The following DCP1A variants were observed in gnomAD, a reference collection of about 807,000 sequenced individuals.
DCP1A encodes decapping mRNA 1A.
In DCP1A, 20 loss-of-function variants were observed where a neutral mutation model predicts 58.0. The ratio of observed to expected loss-of-function variants is 0.34; its 90% CI spans 0.24 to 0.50. DCP1A has a LOEUF of 0.50. DCP1A is among the 20% of genes least tolerant of loss of function. The pLI is 0.98. For missense variants in DCP1A, 613 were observed against 712.2 expected (o/e 0.86, Z 1.59); for synonymous variants, 285 against 275.1 (o/e 1.04, Z -0.36).
rs782329052 is a variant in DCP1A, at chr3:53,347,502, G to T, written c.16C>A (p.Arg6=). MEALS[R]AGQEMSLAAL... ...GCTAGGCTCATCTCCTGCCCAGCTCGACTCAGCGCCTCCATCTTGAATCCC... is the reference window on the plus strand; with the variant it reads ...GCTAGGCTCATCTCCTGCCCAGCTCTACTCAGCGCCTCCATCTTGAATCCC... Residue 6 remains arginine, a synonymous_variant, in exon 1 of 10, where the codon CGA becomes AGA. Coordinates refer to ENST00000610213, the MANE Select transcript of DCP1A (RefSeq NM_018403.7). 2.5e-6 allele frequency: 4 copies of T among 1,612,118 alleles called. No individual in the cohort carries two copies. The highest frequency in any genetic ancestry group is 1.7e-5 in the Admixed American group (1 of 59,788).
Position 53,290,856 on chromosome 3 carries a change from A to T in DCP1A, c.1384T>A (p.Ser462Thr). ...TCAGGATCCTGGTTCTGCTGCATAG[A>T]CTGAAATGTTTATGAAGAAAAGACA... is the stretch of plus-strand genomic sequence containing the variant. ...LSNMVLAPLQSMQQNQDPEVF... is the reference protein window; with the variant it reads ...LSNMVLAPLQTMQQNQDPEVF... The change falls in exon 8 of 10, where the codon TCT (serine) becomes ACT (threonine). Residue 462 changes from serine to threonine, a missense_variant and splice_region_variant. By Grantham distance (58) the Ser-to-Thr change is moderately conservative (BLOSUM62 1). This residue lies in a region of DCP1A where 498 missense variants were observed against 556.7 expected (regional missense o/e 0.89). Coordinates refer to ENST00000610213, the MANE Select transcript of DCP1A (RefSeq NM_018403.7). 6.2e-7 allele frequency: 1 copy of T among 1,610,618 alleles called. No homozygotes were observed. The highest frequency in any genetic ancestry group is 1.1e-5 in the South Asian group (1 of 90,432).
rs1474802186 is a variant in DCP1A at position 53,285,043 on chromosome 3, C to T, written c.*2537G>A. The T allele has an allele frequency of 6.6e-6, 1 of 152,148 alleles. No individual in the cohort carries two copies. The highest frequency in any genetic ancestry group is 1.5e-5 in the Non-Finnish European group (1 of 68,066). 9.4% of individuals were successfully genotyped at this position (152,148 alleles called of 1,614,324 possible). Reference sequence around the variant, plus strand: ...ACAACAAAAAGAAGAGCAGCACCACCCACCAGTGGTGCCCCAGACACACCT... The same window carrying T: ...ACAACAAAAAGAAGAGCAGCACCACTCACCAGTGGTGCCCCAGACACACCT... On this transcript the variant is annotated 3_prime_UTR_variant, in exon 10 of 10. Transcript: ENST00000610213.
intron 8 of DCP1A, among the ~76,000 whole-genome samples, chr3:53,288,954 G>A (rs1359776449): frequency 6.6e-6 from 1 of 152,008 alleles, no homozygotes; most frequent in African/African-American, 2.4e-5. Flanking sequence ...GGTGGAGGTT[G>A]CAGTGAGCCG....
At position 53,314,775 on chromosome 3, in the gene DCP1A, G is replaced by A. The variant is rs11706607; in HGVS notation, c.372-2396C>T. On this transcript the variant is annotated intron_variant, in intron 4 of 9. Transcript: ENST00000610213. ...CAACCTTCGACTCCCGGGTTCAAGC[G>A]ATTCTCGTGCCTCAGCCTCCCTAGT... Among the ~76,000 whole-genome samples the A allele has an allele frequency of 2.7e-5, 4 of 146,512 alleles. No individual in the cohort carries two copies. The South Asian group carries it at 6.5e-4, about 24-fold the overall frequency.
Position 53,342,284 on chromosome 3 carries a change from AG to A in DCP1A, c.177-14del, listed in dbSNP as rs782446098. The A allele has an allele frequency of 6.4e-7, 1 of 1,564,284 alleles. No individual in the cohort carries two copies. Among genetic ancestry groups the A allele is most frequent in the Non-Finnish European group, 8.7e-7 (1 of 1,147,148 alleles). ...AGGGGAAGCTGACCTTAGATTTAATAGAAGAAAAAAAAATATGTAGTTACCA... is the reference window on the plus strand; with the variant it reads ...AGGGGAAGCTGACCTTAGATTTAATAAAGAAAAAAAAATATGTAGTTACCA... On this transcript the variant is annotated splice_polypyrimidine_tract_variant and intron_variant, in intron 2 of 9. Coordinates refer to ENST00000610213, the MANE Select transcript of DCP1A (RefSeq NM_018403.7).
chr3:53,306,135 AGTAGGTACTCAAATAT>A (rs1487204667), intron 5 of DCP1A, among the ~76,000 whole-genome samples: 2 of 152,216 alleles, frequency 1.3e-5, no homozygotes, highest in Admixed American at 1.3e-4. Flanking sequence ...TTATCACAGG[AGTAGGTACTCAAATAT>A]TAAATGGATG....
chr3:53,310,154 T>C (rs1707601019), intron 5 of DCP1A, among the ~76,000 whole-genome samples: 1 of 152,252 alleles, frequency 6.6e-6, no homozygotes, highest in Admixed American at 6.5e-5. Context: ...TATCAAAGAT[T>C]TAACCAAATC....
chr3:53,337,877 G>A (rs1382304885), intron 3 of DCP1A, among the ~76,000 whole-genome samples: 2 of 152,200 alleles, frequency 1.3e-5, no homozygotes, highest in Admixed American at 6.5e-5. Context: ...CTAAAAAGAA[G>A]TGTTCTTCAT....
intron 3 of DCP1A, among the ~76,000 whole-genome samples, chr3:53,327,614 A>G (rs782082221): frequency 7.9e-5 from 12 of 151,172 alleles, no homozygotes; most frequent in Non-Finnish European, 1.5e-4. Flanking sequence ...ACATAGTAAA[A>G]CCCCATCTCT....
At chr3:53,296,146 C>CG (rs1707119323) in intron 6 of DCP1A, among the ~76,000 whole-genome samples, 1 of 152,150 alleles carries the variant, frequency 6.6e-6, no homozygotes, top group Non-Finnish European at 1.5e-5. Flanking sequence ...CTGCGTGCCG[C>CG]GGCCTCCCAA....
chr3:53,297,986 G>A (rs1209208680), intron 6 of DCP1A, among the ~76,000 whole-genome samples: 2 of 152,184 alleles, frequency 1.3e-5, no homozygotes, highest in African/African-American at 4.8e-5. Context: ...GGCAGGCCTA[G>A]GCGGAAGCAT....
chr3:53,326,047 T>C (rs185384830), intron 3 of DCP1A, among the ~76,000 whole-genome samples: 9 of 152,270 alleles, frequency 5.9e-5, no homozygotes, highest in Admixed American at 5.9e-4. Context: ...TTATTGAATA[T>C]TGAACAATGA....
chr3:53,302,628 A>C (rs1553687522), intron 6 of DCP1A, among the ~76,000 whole-genome samples: 2 of 152,112 alleles, frequency 1.3e-5, no homozygotes, highest in African/African-American at 4.8e-5. Context: ...TTATTTATTT[A>C]CTTATTTATT....
chr3:53,324,005 A>G (rs782629799), intron 3 of DCP1A, among the ~76,000 whole-genome samples: 9 of 152,196 alleles, frequency 5.9e-5, no homozygotes, highest in Non-Finnish European at 1.3e-4. Flanking sequence ...AGAACTACTT[A>G]TCAATAATCA....
At chr3:53,328,199 C>A (rs140851262) in intron 3 of DCP1A, among the ~76,000 whole-genome samples, 290 of 152,160 alleles carry the variant, frequency 1.9e-3, no homozygotes, top group African/African-American at 6.7e-3. Flanking sequence ...CTCAGACCTG[C>A]CTGGATCCTC....
Position 53,323,861 on chromosome 3 carries a change from C to CAAAAA in DCP1A, c.305-4393_305-4389dup, listed in dbSNP as rs11451581. On this transcript the variant is annotated intron_variant, in intron 3 of 9. Coordinates refer to ENST00000610213, the MANE Select transcript of DCP1A (RefSeq NM_018403.7). Reference sequence around the variant, plus strand: ...TGGGTGACAGAACAAGACTCTGTCTCAAAAAAAAAAAAAAAAAAAAAGTTT... The same window carrying CAAAAA: ...TGGGTGACAGAACAAGACTCTGTCTCAAAAAAAAAAAAAAAAAAAAAAAAAAGTTT... 5.6e-4 allele frequency among the ~76,000 whole-genome samples: 41 copies of CAAAAA among 72,796 alleles called. 1 individual carries two copies. The highest frequency in any genetic ancestry group is 4.7e-4 in the Admixed American group (3 of 6,368). The allele number at this position is 72,796 out of a possible 152,430, so 47.8% of individuals were successfully genotyped here.
At chr3:53,343,964 T>C (rs1400209379) in intron 2 of DCP1A, among the ~76,000 whole-genome samples, 1 of 151,910 alleles carries the variant, frequency 6.6e-6, no homozygotes, top group East Asian at 1.9e-4. Flanking sequence ...AAAGAAAGTG[T>C]CTAAGAAAAA....
chr3:53,295,996 G>A (rs1376046949), intron 6 of DCP1A, among the ~76,000 whole-genome samples: 1 of 151,464 alleles, frequency 6.6e-6, no homozygotes, highest in East Asian at 1.9e-4. Context: ...AGGTTCAAGC[G>A]ATTCTTATGC....
chr3:53,340,664 T>A (rs2089189275), intron 3 of DCP1A, among the ~76,000 whole-genome samples: 4 of 151,856 alleles, frequency 2.6e-5, no homozygotes, highest in Admixed American at 2.6e-4. Context: ...AGATGCCAAT[T>A]AGAGCACAAT....
Sources: allele counts gnomAD v4.1 joint callset (sites outside exome capture counted in the v4.1 genomes callset), GRCh38; gene constraint gnomAD v4.1.1; regional missense constraint gnomAD v4.1.1; transcripts MANE v1.5; gene names NCBI Gene and HGNC (gene_info 2026-07-23, HGNC 2026-07-21).